The following ZBTB11 variants were observed in gnomAD, a reference collection of about 807,000 sequenced individuals.
ZBTB11 encodes zinc finger and BTB domain-containing protein 11.
ZBTB11 carries 68 observed loss-of-function variants against 113.1 expected under a neutral mutation model. The observed-to-expected ratio is 0.60, with a 90% CI of 0.49 to 0.74. ZBTB11 has a LOEUF of 0.74. ZBTB11 is among the 30% of genes least tolerant of loss of function. The pLI is 0.00. For synonymous variants in ZBTB11, 518 were observed against 452.6 expected (o/e 1.14, Z -1.83); for missense variants, 1,104 against 1,279.4 (o/e 0.86, Z 2.09).
At position 101,665,513 on chromosome 3, in the gene ZBTB11, A is replaced by G; in HGVS notation, c.1074T>C (p.Leu358=). ...CCAGTAGTACAATTTCACAATCCCCAAGTTCAGTAGGTAAACTTGTTGTGG... is the reference window on the plus strand; with the variant it reads ...CCAGTAGTACAATTTCACAATCCCCGAGTTCAGTAGGTAAACTTGTTGTGG... ...EGTTTSLPTE[L]GDCEIVLLVN... Residue 358 remains leucine (L), a synonymous_variant, in exon 4 of 11, where the codon CTT becomes CTC. Transcript: ENST00000312938. 1 of 1,614,110 alleles carries G rather than the reference A, an allele frequency of 6.2e-7. No individual in the cohort carries two copies. Among genetic ancestry groups the G allele is most frequent in the Non-Finnish European group, 8.5e-7 (1 of 1,180,032 alleles).
rs951903393 is a variant in ZBTB11 at position 101,651,806 on chromosome 3, T to C, written c.2645-123A>G. 9.7e-6 allele frequency: 10 copies of C among 1,036,092 alleles called. No individual in the cohort carries two copies. In the African/African-American group the frequency reaches 1.6e-4, roughly 17 times the overall value. The allele number at this position is 1,036,092 out of a possible 1,614,324, so 64.2% of individuals were successfully genotyped here. ...CTCATAAGCCTTTCTATCTGGACTG[T>C]GGCAATCTTTTATTTAGGACTTTCC... On this transcript the variant is annotated intron_variant, in intron 10 of 10. Transcript: ENST00000312938.
chr3:101,659,708 T>TCCCA (rs1367115205), intron 6 of ZBTB11, 75 bp downstream of exon 6: 3 of 1,543,064 alleles, frequency 1.9e-6, no homozygotes, highest in Non-Finnish European at 2.6e-6. Context: ...AGAATACATA[T>TCCCA]CCCACCAGTC....
Position 101,654,787 on chromosome 3 carries a change from C to G in ZBTB11, c.2226G>C (p.Lys742Asn). The G allele has an allele frequency of 6.2e-7, 1 of 1,614,156 alleles. No individual in the cohort carries two copies. Among genetic ancestry groups the G allele is most frequent in the Non-Finnish European group, 8.5e-7 (1 of 1,180,004 alleles). The change falls in exon 8 of 11, where the codon AAG (lysine) becomes AAC (asparagine). Residue 742 changes from lysine to asparagine, a missense_variant. This residue lies in a region of ZBTB11 where 535 missense variants were observed against 518.6 expected (regional missense o/e 1.03). Coordinates refer to ENST00000312938, the MANE Select transcript of ZBTB11 (RefSeq NM_014415.4). The stretch of plus-strand genomic sequence containing the variant: ...TGAGTCCAGAGCCCCTATGAAAAGA[C>G]TTTCCACAAACTGAGCAAAGGTACT... ...ESKYLCSVCG[K>N]SFHRGSGLSK...
intron 5 of ZBTB11, 105 bp from the exon 6 acceptor site, chr3:101,660,133 A>G (rs1936863588): frequency 1.8e-6 from 2 of 1,107,708 alleles, no homozygotes; most frequent in African/African-American, 1.6e-5. Flanking sequence ...ATATAAATCA[A>G]TAAACACACT....
intron 8 of ZBTB11, among the ~76,000 whole-genome samples, 155 bp from the exon 9 acceptor site, chr3:101,653,093 G>A (rs1936731331): frequency 6.6e-6 from 1 of 152,026 alleles, no homozygotes; most frequent in Non-Finnish European, 1.5e-5. Context: ...AAGGCTACAG[G>A]GTTTTAGGTT....
At position 101,676,629 on chromosome 3, in the gene ZBTB11, A is replaced by G. The variant is rs1468144087; in HGVS notation, c.286T>C (p.Leu96=). The change falls in exon 1 of 11, where the codon TTG becomes CTG. Residue 96 remains leucine (L), a synonymous_variant. Transcript: ENST00000312938. ...CCTCGCCACCAGTACGTCTTGGACA[A>G]GTAGTGCCAGGTCTGATGCCGGGTG... ...HHTRHQTWHY[L]SKTYWWRGIL... 2.0e-6 allele frequency: 3 copies of G among 1,537,022 alleles called. No individual in the cohort carries two copies. Among genetic ancestry groups the G allele is most frequent in the Non-Finnish European group, 2.6e-6 (3 of 1,139,932 alleles).
chr3:101,665,901 A>C, intron 3 of ZBTB11, 93 bp from the exon 4 acceptor site: 2 of 1,274,012 alleles, frequency 1.6e-6, no homozygotes. Context: ...TCAAAGGCAA[A>C]TATGACCATT....
Position 101,665,345 on chromosome 3 carries a change from T to C in ZBTB11, c.1242A>G (p.Leu414=), listed in dbSNP as rs1389654374. 6.2e-7 allele frequency: 1 copy of C among 1,614,118 alleles called. No individual in the cohort carries two copies. Among genetic ancestry groups the C allele is most frequent in the Admixed American group, 1.7e-5 (1 of 60,002 alleles). The change falls in exon 4 of 11, where the codon TTA becomes TTG. Residue 414 remains leucine (L), a synonymous_variant. Transcript: ENST00000312938. ...DSHPEMESVD[L]ITKNNQTELE... ...GTTCTGTCTGGTTGTTTTTTGTTAT[T>C]AAATCAACAGACTCCATTTCAGGAT... is the stretch of plus-strand genomic sequence containing the variant.
chr3:101,655,281 C>CA (rs1936776563), intron 7 of ZBTB11, among the ~76,000 whole-genome samples: 3 of 152,186 alleles, frequency 2.0e-5, no homozygotes, highest in Admixed American at 6.5e-5. Context: ...TAACCCATGT[C>CA]AAAATCCCCA....
intron 5 of ZBTB11, 54 bp downstream of exon 5, chr3:101,664,484 G>A: frequency 6.6e-7 from 1 of 1,503,824 alleles, no homozygotes; most frequent in South Asian, 1.3e-5. Flanking sequence ...CAGTAAGTTG[G>A]ATTCTATATA....
chr3:101,652,958 C>T lies in ZBTB11; in HGVS notation c.2310-20G>A. 2 of 1,603,208 alleles carry T rather than the reference C, an allele frequency of 1.2e-6. No individual in the cohort carries two copies. Among genetic ancestry groups the T allele is most frequent in the Non-Finnish European group, 8.5e-7 (1 of 1,175,624 alleles). On this transcript the variant is annotated intron_variant, in intron 8 of 10. Coordinates refer to ENST00000312938, the MANE Select transcript of ZBTB11 (RefSeq NM_014415.4). ...TCACATCTGCAATAAAGTTCAGTTA[C>T]CCAATTGGATAATCTTATTCCTTTA...
At position 101,662,293 on chromosome 3, in the gene ZBTB11, G is replaced by C. The variant is rs532237793; in HGVS notation, c.1800+2245C>G. 5 of 152,322 alleles carry C rather than the reference G, an allele frequency of 3.3e-5. No homozygotes were observed. The East Asian group carries it at 7.7e-4, about 24-fold the overall frequency. The allele number at this position is 152,322 out of a possible 1,614,324, so 9.4% of individuals were successfully genotyped here. A position where few individuals can be genotyped will look rare whatever the true frequency, so the allele number is the denominator to read the frequency against. On this transcript the variant is annotated intron_variant, in intron 5 of 10. Coordinates refer to ENST00000312938, the MANE Select transcript of ZBTB11 (RefSeq NM_014415.4). Reference sequence around the variant, plus strand: ...AAGTGTTGGAGTGTTGGGATTACAGGTATAGGCCACCACGCTCAGCCTCAG... The same window carrying C: ...AAGTGTTGGAGTGTTGGGATTACAGCTATAGGCCACCACGCTCAGCCTCAG...
chr3:101,652,767 C>G lies in ZBTB11; in HGVS notation c.2468+13G>C. On this transcript the variant is annotated intron_variant, in intron 9 of 10. Transcript: ENST00000312938. The stretch of plus-strand genomic sequence containing the variant: ...TTATCAATTAAGTTCAGCTCCTTCT[C>G]AAATTTACTCACCTATAAGGCTCAG... 6.2e-7 allele frequency: 1 copy of G among 1,609,588 alleles called. No homozygotes were observed. Among genetic ancestry groups the G allele is most frequent in the Non-Finnish European group, 8.5e-7 (1 of 1,177,948 alleles).
Position 101,664,680 on chromosome 3 carries a change from A to G in ZBTB11, c.1658T>C (p.Met553Thr), listed in dbSNP as rs1936950514. Residue 553 changes from methionine (M) to threonine (T), a missense_variant, in exon 5 of 11, where the codon ATG (methionine) becomes ACG (threonine). Coordinates refer to ENST00000312938, the MANE Select transcript of ZBTB11 (RefSeq NM_014415.4). The stretch of plus-strand genomic sequence containing the variant: ...TTTAGCATCTCTTTTTGGCTGTTTC[A>G]TCTTTTTTCCTCTTTGAACTAACTT... ...AQKLVQRGKK[M>T]KQPKRDAKEN... 6.2e-7 allele frequency: 1 copy of G among 1,610,020 alleles called. No individual in the cohort carries two copies. The highest frequency in any genetic ancestry group is 1.3e-5 in the African/African-American group (1 of 74,628).
intron 3 of ZBTB11, 143 bp from the exon 4 acceptor site, chr3:101,665,951 TG>T: frequency 1.1e-6 from 1 of 870,042 alleles, no homozygotes; most frequent in Non-Finnish European, 1.7e-6. Flanking sequence ...CATTTTGTTC[TG>T]GTTTCTTATT....
At chr3:101,661,816 T>C (rs1159831845) in intron 5 of ZBTB11, among the ~76,000 whole-genome samples, 2 of 152,318 alleles carry the variant, frequency 1.3e-5, no homozygotes, top group East Asian at 3.9e-4. Flanking sequence ...TTTTTCTTTA[T>C]ATTGTTTTCC....
intron 5 of ZBTB11, chr3:101,662,113 T>C (rs1936900135): frequency 6.6e-6 from 1 of 151,828 alleles, no homozygotes; most frequent in Non-Finnish European, 1.5e-5. Flanking sequence ...GAACAAGGAG[T>C]TCGATCTGTA....
chr3:101,657,438 G>A (rs1936818330), intron 6 of ZBTB11, among the ~76,000 whole-genome samples: 1 of 151,590 alleles, frequency 6.6e-6, no homozygotes. Context: ...CCTGGGAGGT[G>A]GAGGTTGCAG....
At position 101,677,013 on chromosome 3, in the gene ZBTB11, A is replaced by G; in HGVS notation, c.-99T>C. ...CAGGAGGAGCGGCGGCACCGTAGGG[A>G]GAAACGGCTGCGCCTTTGGCGAGCG... On this transcript the variant is annotated 5_prime_UTR_variant, in exon 1 of 11. Transcript: ENST00000312938. The G allele has an allele frequency of 7.4e-7, 1 of 1,345,220 alleles. No individual in the cohort carries two copies. Among genetic ancestry groups the G allele is most frequent in the Non-Finnish European group, 9.9e-7 (1 of 1,008,660 alleles). The allele number at this position is 1,345,220 out of a possible 1,614,324, so 83.3% of individuals were successfully genotyped here.
Sources: gnomAD v4.1 joint callset for allele counts (sites outside exome capture counted in the v4.1 genomes callset) on GRCh38, gnomAD v4.1.1 for gene constraint, gnomAD v4.1.1 regional missense constraint, MANE v1.5 for transcripts, NCBI Gene and HGNC (gene_info 2026-07-23, HGNC 2026-07-21) for gene names.